The following SGSM2 variants were observed in gnomAD, a reference collection of about 807,000 sequenced individuals.
The protein encoded by SGSM2 is RUN and TBC1 domain containing 1.
Under a neutral mutation model 126.6 loss-of-function variants are expected in SGSM2, and 89 were observed. The ratio of observed to expected loss-of-function variants is 0.70; its 90% confidence interval spans 0.59 to 0.84. The LOEUF is 0.84. Among genes scored for constraint, SGSM2 ranks in the 40% least tolerant of loss-of-function variants. The pLI is 0.00. For synonymous variants in SGSM2, 614 were observed against 574.3 expected (o/e 1.07, Z -0.99); for missense variants, 1,404 against 1,416.6 (o/e 0.99, Z 0.14).
Position 2,367,188 on chromosome 17 carries a change from T to C in SGSM2, c.1289-83T>C, listed in dbSNP as rs1413590017. On this transcript the variant is annotated intron_variant, in intron 11 of 23. Coordinates refer to ENST00000268989, the MANE Select transcript of SGSM2 (RefSeq NM_014853.3). This position sits in a 1 kb window ranked among gnomAD's most constrained non-coding sequence, Gnocchi z 4.0. ...AGATTCACGATGACCCCGGCCTCCA[T>C]TCCACTCCCCTTAAGGAGGGAGTCC... 26 of 1,471,320 alleles carry C rather than the reference T, an allele frequency of 1.8e-5. No homozygotes were observed. The highest frequency in any genetic ancestry group is 2.3e-5 in the Non-Finnish European group (25 of 1,096,928). 91.1% of individuals were successfully genotyped at this position (1,471,320 alleles called of 1,614,324 possible). A position where few individuals can be genotyped will look rare whatever the true frequency, so the allele number is the denominator to read the frequency against.
intron 2 of SGSM2, among the ~76,000 whole-genome samples, chr17:2,359,899 C>T (rs2065241088): frequency 6.6e-6 from 1 of 152,184 alleles, no homozygotes; most frequent in Non-Finnish European, 1.5e-5. Context: ...CACCCCCTTT[C>T]CACAGGCACG....
At chr17:2,365,148 G>A (rs1031442440) in intron 10 of SGSM2, 67 bp from the exon 11 acceptor site, 3 of 1,590,500 alleles carry the variant, frequency 1.9e-6, no homozygotes, top group Non-Finnish European at 2.6e-6. Context: ...CTTAGGAGCG[G>A]CCTTGTGTGG....
chr17:2,337,923 C>T lies in SGSM2; in HGVS notation c.57+178C>T, dbSNP rs1490827138. On this transcript the variant is annotated intron_variant, in intron 1 of 23. Coordinates refer to ENST00000268989, the MANE Select transcript of SGSM2 (RefSeq NM_014853.3). This position sits in a 1 kb window ranked among gnomAD's most constrained non-coding sequence, Gnocchi z 5.1. ...TCTCGGATGGGGGAGGGCAGCGCCC[C>T]TCTGCCCGGGGGACCCGGCCGGCGC... 6.6e-6 allele frequency among the ~76,000 whole-genome samples: 1 copy of T among 151,966 alleles called. No individual in the cohort carries two copies. The highest frequency in any genetic ancestry group is 1.5e-5 in the Non-Finnish European group (1 of 67,926).
chr17:2,366,326 A>G (rs756006978), intron 11 of SGSM2, among the ~76,000 whole-genome samples: 2 of 152,154 alleles, frequency 1.3e-5, no homozygotes, highest in African/African-American at 4.8e-5. Context: ...GCTGCTGCCC[A>G]TAGGCTTCTC....
At chr17:2,366,575 CAA>C (rs1311716515) in intron 11 of SGSM2, 1 of 152,310 alleles carries the variant, frequency 6.6e-6, no homozygotes, top group Non-Finnish European at 1.5e-5. Flanking sequence ...ATGTACCTGA[CAA>C]AGAGACGCAT....
Position 2,380,060 on chromosome 17 carries a change from A to T in SGSM2, c.*540A>T. ...GGTGCGGGAGACCCGGGCACGGGAG[A>T]CCCGGGCCGCCTTCAGGCCGCTCCC... On this transcript the variant is annotated 3_prime_UTR_variant, in exon 24 of 24. Coordinates refer to ENST00000268989, the MANE Select transcript of SGSM2 (RefSeq NM_014853.3). 1 of 1,408,326 alleles carries T rather than the reference A, an allele frequency of 7.1e-7. No homozygotes were observed. The highest frequency in any genetic ancestry group is 9.2e-7 in the Non-Finnish European group (1 of 1,085,812). The allele number at this position is 1,408,326 out of a possible 1,614,324, so 87.2% of individuals were successfully genotyped here. A position where few individuals can be genotyped will look rare whatever the true frequency, so the allele number is the denominator to read the frequency against.
Position 2,376,393 on chromosome 17 carries a change from C to G in SGSM2, c.2609+132C>G, listed in dbSNP as rs760803444. 431 of 1,190,466 alleles carry G rather than the reference C, an allele frequency of 3.6e-4. 3 individuals carry two copies. Among genetic ancestry groups the G allele is most frequent in the Non-Finnish European group, 3.8e-4 (324 of 856,872 alleles). The allele number at this position is 1,190,466 out of a possible 1,614,324, so 73.7% of individuals were successfully genotyped here. Reference sequence around the variant, plus strand: ...CACACTTGGCTCCCCCTGCCTGGAACGCTTTTTTCCTGCACACCCCTCCCC... The same window carrying G: ...CACACTTGGCTCCCCCTGCCTGGAAGGCTTTTTTCCTGCACACCCCTCCCC... On this transcript the variant is annotated intron_variant, in intron 19 of 23. Coordinates refer to ENST00000268989, the MANE Select transcript of SGSM2 (RefSeq NM_014853.3).
intron 2 of SGSM2, among the ~76,000 whole-genome samples, chr17:2,344,276 T>A (rs1218249579): frequency 2.0e-5 from 3 of 152,158 alleles, no homozygotes; most frequent in Non-Finnish European, 4.4e-5. Flanking sequence ...CCTGAAGACT[T>A]TTGCTTTGTA....
chr17:2,362,108 G>T lies in SGSM2; in HGVS notation c.297-1G>T. ...TCCTGGAGCCCTCCCCGCCTTTGCA[G>T]GAAACCCTCAGGGGTCAGCCAGGAG... On this transcript the variant is annotated splice_acceptor_variant, in intron 3 of 23. Coordinates refer to ENST00000268989, the MANE Select transcript of SGSM2 (RefSeq NM_014853.3). LOFTEE classifies it high-confidence loss of function. This position sits in a 1 kb window ranked among gnomAD's most constrained non-coding sequence, Gnocchi z 4.9. 6.2e-7 allele frequency: 1 copy of T among 1,609,940 alleles called. No homozygotes were observed.
rs1349383618 is a variant in SGSM2 at position 2,362,341 on chromosome 17, GT to G, written c.458+73del. The stretch of plus-strand genomic sequence containing the variant: ...CCCCAAAACTGCAGGTGACCGCCCC[GT>G]TCCCCAAAAACTGCAGGTGACCGCC... On this transcript the variant is annotated intron_variant, in intron 4 of 23. Coordinates refer to ENST00000268989, the MANE Select transcript of SGSM2 (RefSeq NM_014853.3). This position sits in a 1 kb window ranked among gnomAD's most constrained non-coding sequence, Gnocchi z 4.9. 2.0e-6 allele frequency: 3 copies of G among 1,480,082 alleles called. No homozygotes were observed. The African/African-American group carries it at 4.6e-5, about 23-fold the overall frequency. The allele number at this position is 1,480,082 out of a possible 1,614,324, so 91.7% of individuals were successfully genotyped here. A position where few individuals can be genotyped will look rare whatever the true frequency, so the allele number is the denominator to read the frequency against.
chr17:2,354,936 C>T (rs34530792), intron 2 of SGSM2, among the ~76,000 whole-genome samples: 1 of 45,362 alleles, frequency 2.2e-5, no homozygotes, highest in African/African-American at 1.3e-4. Context: ...GGGGTGTAAG[C>T]GTTGGGGAAG....
At position 2,362,739 on chromosome 17, in the gene SGSM2, C is replaced by A. The variant is rs549504653; in HGVS notation, c.459-99C>A. On this transcript the variant is annotated intron_variant, in intron 4 of 23. Coordinates refer to ENST00000268989, the MANE Select transcript of SGSM2 (RefSeq NM_014853.3). This position sits in a 1 kb window ranked among gnomAD's most constrained non-coding sequence, Gnocchi z 4.9. Reference sequence around the variant, plus strand: ...GACTCACTGTTTCTTGATGACTGATCTGAATCTGGTCTTTGTGGGGATGTC... The same window carrying A: ...GACTCACTGTTTCTTGATGACTGATATGAATCTGGTCTTTGTGGGGATGTC... The A allele has an allele frequency of 4.2e-5, 51 of 1,206,056 alleles. No individual in the cohort carries two copies. In the African/African-American group the frequency reaches 6.7e-4, roughly 16 times the overall value. The allele number at this position is 1,206,056 out of a possible 1,614,324, so 74.7% of individuals were successfully genotyped here. A position where few individuals can be genotyped will look rare whatever the true frequency, so the allele number is the denominator to read the frequency against.
At chr17:2,339,350 C>T (rs991744480) in intron 1 of SGSM2, among the ~76,000 whole-genome samples, 3 of 152,000 alleles carry the variant, frequency 2.0e-5, no homozygotes, top group Non-Finnish European at 4.4e-5. Context: ...GCAGGAGAAT[C>T]GCTTGAACCC....
At chr17:2,368,532 C>G (rs1246488016) in intron 12 of SGSM2, among the ~76,000 whole-genome samples, 1 of 152,214 alleles carries the variant, frequency 6.6e-6, no homozygotes, top group Non-Finnish European at 1.5e-5. Context: ...AGTTCCTTAG[C>G]CGGCCACTGA....
chr17:2,342,625 G>A (rs1246756833), intron 1 of SGSM2, among the ~76,000 whole-genome samples: 1 of 152,154 alleles, frequency 6.6e-6, no homozygotes, highest in African/African-American at 2.4e-5. Context: ...GTGTAATTGT[G>A]ATATGTTCTT....
rs184378142 is a variant in SGSM2 at position 2,380,932 on chromosome 17, G to T, written c.*1412G>T. The T allele has an allele frequency of 6.4e-6, 1 of 156,042 alleles. No individual in the cohort carries two copies. Among genetic ancestry groups the T allele is most frequent in the South Asian group, 1.9e-4 (1 of 5,188 alleles). 9.7% of individuals were successfully genotyped at this position (156,042 alleles called of 1,614,324 possible). A position where few individuals can be genotyped will look rare whatever the true frequency, so the allele number is the denominator to read the frequency against. Reference sequence around the variant, plus strand: ...TGAGTCCTTGGCCTCCACCAAGCACGTGTGGCCATTGTGTGCCTGCCTTAG... The same window carrying T: ...TGAGTCCTTGGCCTCCACCAAGCACTTGTGGCCATTGTGTGCCTGCCTTAG... On this transcript the variant is annotated 3_prime_UTR_variant, in exon 24 of 24. Transcript: ENST00000268989.
At chr17:2,339,390 G>A (rs1203614543) in intron 1 of SGSM2, among the ~76,000 whole-genome samples, 5 of 152,024 alleles carry the variant, frequency 3.3e-5, no homozygotes, top group South Asian at 2.1e-4. Flanking sequence ...AGCCAAGATC[G>A]AACCACTGCA....
intron 11 of SGSM2, among the ~76,000 whole-genome samples, chr17:2,366,161 G>A (rs1024907470): frequency 3.9e-5 from 6 of 152,194 alleles, no homozygotes; most frequent in Non-Finnish European, 7.3e-5. Context: ...AGGCAGACTC[G>A]GGGCTGCCTG....
In SGSM2 at chr17:2,363,624, C is replaced by A; in HGVS notation, c.807+25C>A. 1 of 1,610,044 alleles carries A rather than the reference C, an allele frequency of 6.2e-7. No homozygotes were observed. The highest frequency in any genetic ancestry group is 8.5e-7 in the Non-Finnish European group (1 of 1,177,434). On this transcript the variant is annotated intron_variant, in intron 7 of 23. Transcript: ENST00000268989. The surrounding 1 kb of genome is among the most constrained non-coding windows in gnomAD (Gnocchi z 4.2). ...GGTAGGAAAGCTTCATCCTGCCATC[C>A]CTCCCCGAAGGTCCCCGAACGAGAC...
Sources: allele counts gnomAD v4.1 joint callset (sites outside exome capture counted in the v4.1 genomes callset), GRCh38; gene constraint gnomAD v4.1.1; non-coding constraint Gnocchi (gnomAD v3.1); transcripts MANE v1.5; gene names NCBI Gene and HGNC (gene_info 2026-07-23, HGNC 2026-07-21).